The following NEGR1 variants were observed in gnomAD, a reference collection of about 807,000 sequenced individuals.
NEGR1 encodes neuronal growth regulator 1, also known as IgLON family member 4.
Under a neutral mutation model 40.9 loss-of-function variants are expected in NEGR1, and 10 were observed. That is an observed-to-expected ratio of 0.24 (90% CI 0.15 to 0.42). NEGR1 has a LOEUF of 0.42. Ranked by LOEUF, NEGR1 falls within the 10% of genes least tolerant of loss-of-function variation. The probability of loss-of-function intolerance (pLI) is 1.00; values close to 1 mark genes in which losing one functional copy is unlikely to be tolerated. For synonymous variants in NEGR1, 185 were observed against 166.8 expected (o/e 1.11, Z -0.84); for missense variants, 352 against 438.9 (o/e 0.80, Z 1.77).
intron 4 of NEGR1, among the ~76,000 whole-genome samples, chr1:71,642,725 C>G (rs1191846681): frequency 2.0e-5 from 3 of 151,914 alleles, no homozygotes; most frequent in African/African-American, 7.2e-5. Flanking sequence ...TAGAACTAAT[C>G]AAGTAACATG....
At chr1:71,925,753 A>G (rs746460407) in intron 2 of NEGR1, among the ~76,000 whole-genome samples, 2 of 152,106 alleles carry the variant, frequency 1.3e-5, no homozygotes, top group African/African-American at 4.8e-5. Flanking sequence ...AAATTATTTC[A>G]TAGATCAAAT....
chr1:71,845,755 C>A (rs1353727982), intron 2 of NEGR1, among the ~76,000 whole-genome samples: 2 of 151,414 alleles, frequency 1.3e-5, no homozygotes, highest in Non-Finnish European at 1.5e-5. Context: ...ACCTACCTAC[C>A]TACATATCTA....
At chr1:72,055,704 T>C (rs557195153) in intron 1 of NEGR1, among the ~76,000 whole-genome samples, 15 of 150,164 alleles carry the variant, frequency 1.0e-4, no homozygotes, top group Admixed American at 2.0e-4. Context: ...AATTCAGATG[T>C]ATTTGGAAAA....
chr1:72,256,409 C>A (rs12239998), intron 1 of NEGR1, among the ~76,000 whole-genome samples: 1,926 of 152,260 alleles, frequency 0.013, 40 homozygotes, highest in African/African-American at 0.044. Context: ...TTTTCCTCTA[C>A]CCAACTCTCA....
chr1:72,189,515 T>C lies in NEGR1; in HGVS notation c.176+92804A>G, dbSNP rs553745962. ...CCAAAATTGTGTTGTCTCTCCTCAC[T>C]GTATATATGTCTTTCGTCCTTGATA... is the stretch of plus-strand genomic sequence containing the variant. On this transcript the variant is annotated intron_variant, in intron 1 of 6. Coordinates refer to ENST00000357731, the MANE Select transcript of NEGR1 (RefSeq NM_173808.3). Among the ~76,000 whole-genome samples, 3 of 151,692 alleles carry C rather than the reference T, an allele frequency of 2.0e-5. No homozygotes were observed. The East Asian group carries it at 5.8e-4, about 29-fold the overall frequency.
chr1:71,817,842 C>A (rs1364114026), intron 2 of NEGR1, among the ~76,000 whole-genome samples: 1 of 151,976 alleles, frequency 6.6e-6, no homozygotes, highest in Non-Finnish European at 1.5e-5. Context: ...AGTCATGTTG[C>A]CAAGTACAGT....
intron 1 of NEGR1, among the ~76,000 whole-genome samples, chr1:72,161,561 A>G (rs1651560152): frequency 6.6e-6 from 1 of 152,090 alleles, no homozygotes; most frequent in South Asian, 2.1e-4. Context: ...CAAAATATCA[A>G]GAGGACAAAT....
chr1:72,262,493 T>G (rs1044436906), intron 1 of NEGR1, among the ~76,000 whole-genome samples: 27 of 152,018 alleles, frequency 1.8e-4, no homozygotes, highest in African/African-American at 6.0e-4. Context: ...TTACCTGACG[T>G]ATATAATAAG....
At chr1:72,149,605 G>A (rs938413674) in intron 1 of NEGR1, among the ~76,000 whole-genome samples, 4 of 151,888 alleles carry the variant, frequency 2.6e-5, no homozygotes, top group Admixed American at 6.6e-5. Context: ...CAAGTAGGCC[G>A]GGTGCAGTGG....
intron 6 of NEGR1, among the ~76,000 whole-genome samples, chr1:71,578,811 T>C (rs1371547216): frequency 6.6e-6 from 1 of 152,206 alleles, no homozygotes; most frequent in Non-Finnish European, 1.5e-5. Flanking sequence ...TCTTACTATT[T>C]GATCAGCTTA....
At chr1:71,782,075 G>T (rs181128400) in intron 2 of NEGR1, among the ~76,000 whole-genome samples, 17 of 152,238 alleles carry the variant, frequency 1.1e-4, no homozygotes, top group African/African-American at 3.4e-4. Context: ...CTGCACTGTG[G>T]ACAATGTTTG....
chr1:71,603,417 C>G (rs1649986158), intron 5 of NEGR1, among the ~76,000 whole-genome samples: 1 of 152,178 alleles, frequency 6.6e-6, no homozygotes, highest in African/African-American at 2.4e-5. Context: ...GAGAGATATC[C>G]TGACATAGGA....
intron 6 of NEGR1, among the ~76,000 whole-genome samples, chr1:71,536,389 T>C (rs1647514957): frequency 6.6e-6 from 1 of 151,634 alleles, no homozygotes; most frequent in Non-Finnish European, 1.5e-5. Flanking sequence ...AAGTGGTTGT[T>C]GAAAAGAGCC....
At chr1:71,476,553 T>G (rs981538408) in intron 6 of NEGR1, among the ~76,000 whole-genome samples, 1 of 152,046 alleles carries the variant, frequency 6.6e-6, no homozygotes, top group South Asian at 2.1e-4. Flanking sequence ...AACAACCATG[T>G]GATTTAGGCT....
At chr1:71,756,919 A>G (rs1417907062) in intron 3 of NEGR1, among the ~76,000 whole-genome samples, 1 of 152,114 alleles carries the variant, frequency 6.6e-6, no homozygotes, top group African/African-American at 2.4e-5. Flanking sequence ...TAAATTCCAT[A>G]ATTCTATATA....
intron 4 of NEGR1, among the ~76,000 whole-genome samples, chr1:71,649,027 C>T (rs189068945): frequency 5.5e-4 from 83 of 152,102 alleles, no homozygotes; most frequent in Non-Finnish European, 9.9e-4. Flanking sequence ...TTTTTCTCAT[C>T]TACAATTTCT....
intron 1 of NEGR1, among the ~76,000 whole-genome samples, chr1:72,208,118 C>T (rs1480350328): frequency 1.3e-5 from 2 of 151,544 alleles, no homozygotes; most frequent in African/African-American, 2.4e-5. Context: ...ATATAGTACA[C>T]ATTAAAGAAT....
chr1:71,944,332 G>T (rs1645998646), intron 1 of NEGR1, among the ~76,000 whole-genome samples: 1 of 152,146 alleles, frequency 6.6e-6, no homozygotes, highest in African/African-American at 2.4e-5. Flanking sequence ...ATCAGATCCA[G>T]AGAAATGACT....
At chr1:71,911,686 A>G (rs1206878984) in intron 2 of NEGR1, among the ~76,000 whole-genome samples, 1 of 152,218 alleles carries the variant, frequency 6.6e-6, no homozygotes, top group African/African-American at 2.4e-5. Context: ...AAGTGTAGTT[A>G]CTTTCCACTA....
Sources: allele counts gnomAD v4.1 joint callset (sites outside exome capture counted in the v4.1 genomes callset), GRCh38; gene constraint gnomAD v4.1.1; transcripts MANE v1.5; gene names NCBI Gene and HGNC (gene_info 2026-07-23, HGNC 2026-07-21).